Variants in MDH2 observed in about 807,000 individuals in gnomAD.
MDH2 encodes malate dehydrogenase, mitochondrial.
A neutral mutation model predicts 33.6 loss-of-function variants in MDH2; 25 were observed. The observed-to-expected ratio is 0.74, with a 90% CI of 0.54 to 1.04. The LOEUF is 1.04. MDH2 is among the 50% of genes least tolerant of loss of function. The probability of loss-of-function intolerance (pLI) is 0.00; values close to 1 mark genes in which losing one functional copy is unlikely to be tolerated. For missense variants in MDH2, 432 were observed against 445.0 expected (o/e 0.97, Z 0.26); for synonymous variants, 193 against 188.7 (o/e 1.02, Z -0.19).
chr7:76,053,214 G>A (rs2069307), intron 1 of MDH2, among the ~76,000 whole-genome samples: 1 of 152,120 alleles, frequency 6.6e-6, no homozygotes, highest in African/African-American at 2.4e-5. Flanking sequence ...TACATTTAGT[G>A]AACACAAGTG....
intron 1 of MDH2, 85 bp from the exon 2 acceptor site, chr7:76,054,745 G>T: frequency 1.3e-6 from 2 of 1,487,612 alleles, no homozygotes; most frequent in Non-Finnish European, 1.9e-6. Flanking sequence ...GTAAAAAGAG[G>T]CCCAGTGCAA....
chr7:76,066,220 GTT>G, intron 8 of MDH2, 57 bp from the exon 9 acceptor site: 1 of 1,584,146 alleles, frequency 6.3e-7, no homozygotes, highest in Non-Finnish European at 8.6e-7. Flanking sequence ...ACAGGTCGGG[GTT>G]TCTCTAACAA....
chr7:76,065,091 G>A, intron 8 of MDH2, 138 bp downstream of exon 8: 1 of 1,001,456 alleles, frequency 1.0e-6, no homozygotes, highest in Admixed American at 2.5e-5. Context: ...TTCAAGGGTG[G>A]ACGCACACCC....
intron 1 of MDH2, chr7:76,054,571 T>A (rs1462252074): frequency 2.2e-6 from 1 of 462,070 alleles, no homozygotes; most frequent in African/African-American, 2.0e-5. Context: ...GAGTCCAGCT[T>A]GTTCTTCATC....
Position 76,064,385 on chromosome 7 carries a change from C to T in MDH2, c.680C>T (p.Thr227Ile), listed in dbSNP as rs556626575. The change falls in exon 7 of 9, where the codon ACT becomes ATT. Residue 227 changes from threonine (T) to isoleucine (I), a missense_variant. Thr to Ile is a moderately conservative substitution (Grantham distance 89). Transcript: ENST00000315758. ...DFPQDQLTAL[T>I]GRIQEAGTEV... Reference sequence around the variant, plus strand: ...CCCCAGGACCAGCTGACAGCACTCACTGGGCGGATCCAGGAGGCCGGCACG... The same window carrying T: ...CCCCAGGACCAGCTGACAGCACTCATTGGGCGGATCCAGGAGGCCGGCACG... 11 of 1,613,694 alleles carry T rather than the reference C, an allele frequency of 6.8e-6. No homozygotes were observed. The South Asian group carries it at 9.9e-5, about 15-fold the overall frequency.
chr7:76,060,800 G>C (rs1183093193), intron 5 of MDH2, among the ~76,000 whole-genome samples: 1 of 151,972 alleles, frequency 6.6e-6, no homozygotes, highest in Non-Finnish European at 1.5e-5. Flanking sequence ...GCTGGACTTG[G>C]ACGGGGCTCC....
chr7:76,057,274 C>T, intron 2 of MDH2, 136 bp from the exon 3 acceptor site: 4 of 791,164 alleles, frequency 5.1e-6, no homozygotes, highest in Non-Finnish European at 8.1e-6. Context: ...TAGTCGTCAA[C>T]AGAAGGAAGT....
intron 7 of MDH2, 137 bp downstream of exon 7, chr7:76,064,575 C>G (rs924125466): frequency 1.0e-6 from 1 of 965,580 alleles, no homozygotes. Flanking sequence ...TGGAAAATCC[C>G]TGTGTGAGAG....
At chr7:76,051,397 C>T (rs534322428) in intron 1 of MDH2, among the ~76,000 whole-genome samples, 1 of 151,426 alleles carries the variant, frequency 6.6e-6, no homozygotes, top group East Asian at 2.0e-4. Context: ...TCTCAGCTCA[C>T]CGCAACCTCC....
At chr7:76,049,782 T>G (rs1434462086) in intron 1 of MDH2, among the ~76,000 whole-genome samples, 1 of 152,172 alleles carries the variant, frequency 6.6e-6, no homozygotes, top group East Asian at 1.9e-4. Flanking sequence ...GTGATGAACA[T>G]GCAAGAAAAA....
intron 2 of MDH2, among the ~76,000 whole-genome samples, 191 bp downstream of exon 2, chr7:76,055,189 A>T (rs1254021281): frequency 6.6e-6 from 1 of 152,226 alleles, no homozygotes; most frequent in South Asian, 2.1e-4. Flanking sequence ...GGTGTCTTTT[A>T]GAAATGTGAG....
intron 1 of MDH2, among the ~76,000 whole-genome samples, chr7:76,049,392 T>C (rs1261139659): frequency 2.0e-5 from 3 of 152,182 alleles, no homozygotes; most frequent in Non-Finnish European, 4.4e-5. Flanking sequence ...CCAACAACTA[T>C]GCTGGGTGCT....
intron 1 of MDH2, chr7:76,048,756 T>C: frequency 2.4e-6 from 3 of 1,229,778 alleles, no homozygotes; most frequent in Non-Finnish European, 3.0e-6. Flanking sequence ...TGAAGACGGC[T>C]TCCTCTTAAC....
In MDH2 at chr7:76,048,238, G is replaced by T; in HGVS notation, c.66+12G>T. 1 of 1,532,086 alleles carries T rather than the reference G, an allele frequency of 6.5e-7. No individual in the cohort carries two copies. The highest frequency in any genetic ancestry group is 8.7e-7 in the Non-Finnish European group (1 of 1,144,882). The allele number at this position is 1,532,086 out of a possible 1,614,324, so 94.9% of individuals were successfully genotyped here. On this transcript the variant is annotated intron_variant, in intron 1 of 8. Coordinates refer to ENST00000315758, the MANE Select transcript of MDH2 (RefSeq NM_005918.4). The stretch of plus-strand genomic sequence containing the variant: ...GCACCTCGGCCCAGGTAGGCCAGAC[G>T]AGGGGCGGCCTGCAGGCGGAGGCCC...
chr7:76,052,907 A>C (rs1784063168), intron 1 of MDH2, among the ~76,000 whole-genome samples: 1 of 151,924 alleles, frequency 6.6e-6, no homozygotes, highest in African/African-American at 2.4e-5. Flanking sequence ...CAATGGCGCC[A>C]TCATGGCTCA....
At chr7:76,064,235 G>C (rs927625634) in intron 6 of MDH2, 104 bp from the exon 7 acceptor site, 2 of 735,642 alleles carry the variant, frequency 2.7e-6, no homozygotes, top group African/African-American at 3.6e-5. Context: ...CCATGCCCTG[G>C]TGATGGGAGG....
At chr7:76,048,861 A>G (rs782078563) in intron 1 of MDH2, 6 of 1,176,820 alleles carry the variant, frequency 5.1e-6, no homozygotes, top group African/African-American at 1.6e-5. Context: ...TAAGCCTAGG[A>G]GCCTAGGCTA....
At chr7:76,053,405 G>A (rs1040031302) in intron 1 of MDH2, among the ~76,000 whole-genome samples, 3 of 152,182 alleles carry the variant, frequency 2.0e-5, no homozygotes, top group Non-Finnish European at 2.9e-5. Flanking sequence ...GAGCCTGCCC[G>A]ACCTCAGGTT....
chr7:76,054,773 T>TTG lies in MDH2; in HGVS notation c.67-57_67-56insTG. On this transcript the variant is annotated intron_variant, in intron 1 of 8. Coordinates refer to ENST00000315758, the MANE Select transcript of MDH2 (RefSeq NM_005918.4). ...CAGTGCAACATTATAGGATACCATG[T>TTG]GAATCCTTTTCATGCTCATTTCCTC... The TTG allele has an allele frequency of 1.9e-6, 3 of 1,597,886 alleles. No homozygotes were observed. The Admixed American group carries it at 5.0e-5, about 27-fold the overall frequency.
Sources: allele counts gnomAD v4.1 joint callset (sites outside exome capture counted in the v4.1 genomes callset), GRCh38; gene constraint gnomAD v4.1.1; transcripts MANE v1.5; gene names NCBI Gene and HGNC (gene_info 2026-07-23, HGNC 2026-07-21).